CTNNA2: variants seen among roughly 807,000 people sequenced by gnomAD.
The protein encoded by CTNNA2 is catenin alpha 2, also known as catenin alpha-2.
In CTNNA2, 42 loss-of-function variants were observed where a neutral mutation model predicts 101.0. The ratio of observed to expected loss-of-function variants is 0.42; its 90% confidence interval spans 0.32 to 0.54. The LOEUF (loss-of-function observed/expected upper bound fraction) is 0.54, where lower values mean the gene tolerates loss of function less well. CTNNA2 is among the 20% of genes least tolerant of loss of function. The probability of loss-of-function intolerance (pLI) is 0.14; values close to 1 mark genes in which losing one functional copy is unlikely to be tolerated. For missense variants in CTNNA2, 871 were observed against 1,223.1 expected, an observed-to-expected ratio of 0.71 and a Z score of 4.29; for synonymous variants, 450 against 456.4, an observed-to-expected ratio of 0.99 and a Z score of 0.18.
intron 1 of CTNNA2, among the ~76,000 whole-genome samples, chr2:79,610,939 A>C (rs1304185824): frequency 1.3e-5 from 2 of 152,198 alleles, no homozygotes; most frequent in South Asian, 4.1e-4. Context: ...ACTAGCACAC[A>C]AAACAATGGA....
intron 2 of CTNNA2, among the ~76,000 whole-genome samples, chr2:79,280,341 G>A (rs1675330329): frequency 6.6e-6 from 1 of 152,064 alleles, no homozygotes; most frequent in Non-Finnish European, 1.5e-5. Flanking sequence ...TGGAGTTTGG[G>A]AAGCTTCTAT....
intron 4 of CTNNA2, among the ~76,000 whole-genome samples, chr2:79,460,811 C>T (rs1364518378): frequency 6.8e-6 from 1 of 147,136 alleles, no homozygotes; most frequent in Non-Finnish European, 1.5e-5. Context: ...CCTTCATGCC[C>T]TTCTTTGCCC....
At chr2:80,402,036 A>G (rs1005255345) in intron 8 of CTNNA2, among the ~76,000 whole-genome samples, 3 of 152,236 alleles carry the variant, frequency 2.0e-5, no homozygotes, top group African/African-American at 4.8e-5. Flanking sequence ...GTTGTCACCT[A>G]TATTTCTGAC....
rs75963785 is a variant in CTNNA2 at position 80,504,914 on chromosome 2, C to T, written c.1291-40068C>T. 3.0e-3 allele frequency among the ~76,000 whole-genome samples: 462 copies of T among 152,186 alleles called. 3 individuals are homozygous for T. Among genetic ancestry groups the T allele is most frequent in the African/African-American group, 0.01 (423 of 41,522 alleles). ...AAGATATTTTCCCTTTTAAGAAATA[C>T]GAGGTCATGAAGCAGCTCAGAACTT... On this transcript the variant is annotated intron_variant, in intron 9 of 18. Coordinates refer to ENST00000402739, the MANE Select transcript of CTNNA2 (RefSeq NM_001282597.3).
At chr2:79,506,308 G>GA (rs1671412598) in intron 5 of CTNNA2, among the ~76,000 whole-genome samples, 2 of 150,136 alleles carry the variant, frequency 1.3e-5, no homozygotes, top group African/African-American at 4.9e-5. Context: ...TGGTGCATGT[G>GA]TTACAAGTTA....
At chr2:79,650,177 G>T (rs992334773) in intron 1 of CTNNA2, among the ~76,000 whole-genome samples, 1 of 67,982 alleles carries the variant, frequency 1.5e-5, no homozygotes, top group African/African-American at 7.9e-5. Context: ...CTTTTTCGGG[G>T]GGGGGGGGGG....
At chr2:80,257,719 G>A (rs116341627) in intron 7 of CTNNA2, among the ~76,000 whole-genome samples, 97 of 152,316 alleles carry the variant, frequency 6.4e-4, no homozygotes, top group African/African-American at 2.1e-3. Flanking sequence ...TCAAGCACTC[G>A]CGCTCTGGTA....
In CTNNA2 at chr2:80,511,136, T is replaced by C. The variant is rs114001167; in HGVS notation, c.1291-33846T>C. ...TCTGGGAAGTAGACTAATAAATTCCTGCTATATTCATCCCTACCTTTTTAT... is the reference window on the plus strand; with the variant it reads ...TCTGGGAAGTAGACTAATAAATTCCCGCTATATTCATCCCTACCTTTTTAT... On this transcript the variant is annotated intron_variant, in intron 9 of 18. Transcript: ENST00000402739. 4.8e-3 allele frequency among the ~76,000 whole-genome samples: 728 copies of C among 152,340 alleles called. 5 individuals carry two copies. Among genetic ancestry groups the C allele is most frequent in the African/African-American group, 0.017 (698 of 41,578 alleles).
At chr2:79,536,574 A>AGTTGTGTGTGTGTGTGT (rs34403615) in intron 1 of CTNNA2, among the ~76,000 whole-genome samples, 6 of 146,714 alleles carry the variant, frequency 4.1e-5, no homozygotes, top group Admixed American at 6.8e-5. Flanking sequence ...TCTCTAAAGA[A>AGTTGTGTGTGTGTGTGT]GTGTGTGTGT....
chr2:79,751,924 C>G (rs900238067), intron 3 of CTNNA2, among the ~76,000 whole-genome samples: 15 of 152,012 alleles, frequency 9.9e-5, no homozygotes, highest in African/African-American at 3.6e-4. Context: ...CAGAAAGAAG[C>G]TAAAAGTTGC....
chr2:80,370,762 G>T (rs1480953797), intron 7 of CTNNA2, among the ~76,000 whole-genome samples: 2 of 152,122 alleles, frequency 1.3e-5, no homozygotes, highest in Admixed American at 6.5e-5. Context: ...AAAGGTTAAA[G>T]AAATATCTTT....
intron 7 of CTNNA2, among the ~76,000 whole-genome samples, chr2:79,991,770 C>G (rs147093564): frequency 6.6e-6 from 1 of 152,196 alleles, no homozygotes; most frequent in South Asian, 2.1e-4. Context: ...CAAAATGGCT[C>G]CAGCCTCCCG....
At chr2:79,596,461 G>T (rs1318670048) in intron 1 of CTNNA2, among the ~76,000 whole-genome samples, 1 of 152,000 alleles carries the variant, frequency 6.6e-6, no homozygotes, top group South Asian at 2.1e-4. Flanking sequence ...GAGAATATTG[G>T]GAAATTGCAC....
intron 6 of CTNNA2, among the ~76,000 whole-genome samples, chr2:79,905,158 A>AT (rs886279683): frequency 6.6e-6 from 1 of 152,210 alleles, no homozygotes; most frequent in Admixed American, 6.5e-5. Flanking sequence ...GAAAACAATA[A>AT]TTTTTTAAAG....
At chr2:79,983,010 T>C (rs1691495324) in intron 7 of CTNNA2, among the ~76,000 whole-genome samples, 1 of 151,864 alleles carries the variant, frequency 6.6e-6, no homozygotes, top group Non-Finnish European at 1.5e-5. Context: ...ATCAAATAAT[T>C]GATGGCCACT....
Position 80,102,611 on chromosome 2 carries a change from C to T in CTNNA2, c.1056+192814C>T, listed in dbSNP as rs572676327. On this transcript the variant is annotated intron_variant, in intron 7 of 18. Transcript: ENST00000402739. ...CACTGCAACCTCTGCCTCCTGGGTT[C>T]AAGTGATTTTCCTGCCTCAGCCTCC... 1.5e-3 allele frequency among the ~76,000 whole-genome samples: 230 copies of T among 152,258 alleles called. 1 individual carries two copies. Among genetic ancestry groups the T allele is most frequent in the South Asian group, 3.7e-3 (18 of 4,822 alleles).
chr2:79,769,199 C>T (rs1267113726), intron 3 of CTNNA2, among the ~76,000 whole-genome samples: 1 of 151,942 alleles, frequency 6.6e-6, no homozygotes, highest in Non-Finnish European at 1.5e-5. Flanking sequence ...TCTTTTTTTC[C>T]CCTTAAAAAA....
intron 7 of CTNNA2, among the ~76,000 whole-genome samples, chr2:80,185,665 G>T (rs935598301): frequency 6.6e-6 from 1 of 152,204 alleles, no homozygotes; most frequent in Non-Finnish European, 1.5e-5. Context: ...AATCCTGTTT[G>T]TTCGGTGAGT....
intron 7 of CTNNA2, among the ~76,000 whole-genome samples, chr2:80,019,841 T>A (rs1199812621): frequency 6.6e-6 from 1 of 152,222 alleles, no homozygotes; most frequent in Non-Finnish European, 1.5e-5. Flanking sequence ...AACTAAGTGA[T>A]ATATCTAATT....
Sources: allele counts gnomAD v4.1 joint callset (sites outside exome capture counted in the v4.1 genomes callset), GRCh38; gene constraint gnomAD v4.1.1; transcripts MANE v1.5; gene names NCBI Gene and HGNC (gene_info 2026-07-23, HGNC 2026-07-21).